DNAH14: variants seen among roughly 807,000 people sequenced by gnomAD.
DNAH14 encodes the protein dynein axonemal heavy chain 14.
DNAH14 carries 478 observed loss-of-function variants against 520.9 expected under a neutral mutation model. The observed-to-expected ratio is 0.92, with a 90% confidence interval of 0.85 to 0.99. The LOEUF (loss-of-function observed/expected upper bound fraction) is 0.99. Among genes scored for constraint, DNAH14 ranks in the 50% least tolerant of loss-of-function variants. The probability of loss-of-function intolerance (pLI) is 0.00; values close to 1 mark genes in which losing one functional copy is unlikely to be tolerated. For synonymous variants in DNAH14, 1,581 were observed against 1,757.2 expected (o/e 0.90, Z 2.51); for missense variants, 4,831 against 5,234.5 (o/e 0.92, Z 2.38).
In DNAH14 at chr1:225,305,109, T is replaced by C; in HGVS notation, c.9005+20T>C. ...AAAGAGGTAAGACTTTGAGAACAAA[T>C]CATAAATATATTTTATATTGGTGTT... On this transcript the variant is annotated intron_variant, in intron 58 of 85. Coordinates refer to ENST00000682510, the MANE Select transcript of DNAH14 (RefSeq NM_001367479.1). 1 of 1,513,268 alleles carries C rather than the reference T, an allele frequency of 6.6e-7. No homozygotes were observed. 93.7% of individuals were successfully genotyped at this position (1,513,268 alleles called of 1,614,324 possible).
chr1:225,169,651 G>A (rs2082395145), intron 36 of DNAH14, among the ~76,000 whole-genome samples: 1 of 152,198 alleles, frequency 6.6e-6, no homozygotes, highest in African/African-American at 2.4e-5. Flanking sequence ...TCTGATTGGT[G>A]TACCTGAAAG....
At chr1:225,212,298 T>G (rs2088565473) in intron 41 of DNAH14, among the ~76,000 whole-genome samples, 1 of 151,992 alleles carries the variant, frequency 6.6e-6, no homozygotes, top group South Asian at 2.1e-4. Flanking sequence ...CTTAATCCAG[T>G]CTATCATTGA....
At position 225,140,602 on chromosome 1, in the gene DNAH14, C is replaced by T. The variant is rs1257654382; in HGVS notation, c.4255-166C>T. 5 of 554,118 alleles carry T rather than the reference C, an allele frequency of 9.0e-6. No individual in the cohort carries two copies. In the Admixed American group the frequency reaches 1.4e-4, roughly 15 times the overall value. The allele number at this position is 554,118 out of a possible 1,614,324, so 34.3% of individuals were successfully genotyped here. A position where few individuals can be genotyped will look rare whatever the true frequency, so the allele number is the denominator to read the frequency against. The stretch of plus-strand genomic sequence containing the variant: ...CCATAAGCATCAATCAGAATTCAAT[C>T]TTTAGCCCTCAAATACACACAAATG... On this transcript the variant is annotated intron_variant, in intron 27 of 85. Coordinates refer to ENST00000682510, the MANE Select transcript of DNAH14 (RefSeq NM_001367479.1).
intron 27 of DNAH14, among the ~76,000 whole-genome samples, chr1:225,135,331 C>G (rs1573403103): frequency 2.0e-5 from 3 of 152,222 alleles, no homozygotes; most frequent in Admixed American, 1.3e-4. Context: ...TTAGCTGTGT[C>G]CCAGAGATTC....
intron 80 of DNAH14, 97 bp downstream of exon 80, chr1:225,380,419 A>G: frequency 7.5e-7 from 1 of 1,329,170 alleles, no homozygotes; most frequent in South Asian, 1.6e-5. Flanking sequence ...AAAATTCTGT[A>G]GAAGTGAAAA....
intron 77 of DNAH14, among the ~76,000 whole-genome samples, chr1:225,372,826 A>G (rs2095634688): frequency 6.6e-6 from 1 of 152,038 alleles, no homozygotes; most frequent in Non-Finnish European, 1.5e-5. Context: ...TGACATACAA[A>G]GAGCTCTTAT....
chr1:225,364,776 A>AT lies in DNAH14; in HGVS notation c.11988-10dup, dbSNP rs1252774749. The AT allele has an allele frequency of 6.7e-7, 1 of 1,495,460 alleles. No homozygotes were observed. Among genetic ancestry groups the AT allele is most frequent in the African/African-American group, 1.4e-5 (1 of 70,652 alleles). The allele number at this position is 1,495,460 out of a possible 1,614,324, so 92.6% of individuals were successfully genotyped here. ...ATTTTTCACATTAAAATATTTATAA[A>AT]TTTTTTATTTTGCAGTTTTAATAGT... On this transcript the variant is annotated splice_polypyrimidine_tract_variant and intron_variant, in intron 75 of 85. Transcript: ENST00000682510.
chr1:225,364,498 A>G (rs939468588), intron 75 of DNAH14, among the ~76,000 whole-genome samples: 4 of 152,124 alleles, frequency 2.6e-5, no homozygotes, highest in South Asian at 2.1e-4. Flanking sequence ...ATTGTCCCAA[A>G]TTCAATCAGT....
intron 49 of DNAH14, among the ~76,000 whole-genome samples, chr1:225,268,480 G>A (rs1255977157): frequency 2.0e-5 from 3 of 152,180 alleles, no homozygotes; most frequent in Non-Finnish European, 4.4e-5. Flanking sequence ...TCTGGCCAGG[G>A]CAATCAGGCA....
At chr1:225,253,121 T>G (rs1300894791) in intron 44 of DNAH14, among the ~76,000 whole-genome samples, 1 of 152,198 alleles carries the variant, frequency 6.6e-6, no homozygotes, top group Non-Finnish European at 1.5e-5. Flanking sequence ...CCAGAGAGTT[T>G]TAACTCTACA....
At chr1:225,147,370 A>T (rs2080050861) in intron 31 of DNAH14, 121 bp downstream of exon 31, 222 of 891,668 alleles carry the variant, frequency 2.5e-4, no homozygotes, top group South Asian at 4.2e-4. Context: ...TTTTTTTTTT[A>T]AAGCACATAC....
intron 46 of DNAH14, 132 bp from the exon 47 acceptor site, chr1:225,264,065 A>G (rs1485779144): frequency 1.0e-5 from 7 of 678,770 alleles, no homozygotes; most frequent in Non-Finnish European, 9.8e-6. Context: ...GAAAAGGTGG[A>G]AACAGAAAAA....
chr1:225,393,585 T>C (rs1373354605), intron 84 of DNAH14, among the ~76,000 whole-genome samples: 3 of 152,194 alleles, frequency 2.0e-5, no homozygotes, highest in Non-Finnish European at 4.4e-5. Context: ...TGGTCTGTCA[T>C]TGGCACAAAT....
intron 38 of DNAH14, among the ~76,000 whole-genome samples, chr1:225,202,669 C>G (rs1573957181): frequency 6.6e-6 from 1 of 152,322 alleles, no homozygotes; most frequent in East Asian, 1.9e-4. Flanking sequence ...ATGGAGTCTG[C>G]ACACTGGATT....
intron 42 of DNAH14, among the ~76,000 whole-genome samples, chr1:225,239,232 C>G (rs1304699166): frequency 3.3e-5 from 5 of 152,128 alleles, no homozygotes; most frequent in African/African-American, 9.7e-5. Context: ...GTACTTAAAA[C>G]TCCTAGGTCT....
intron 9 of DNAH14, among the ~76,000 whole-genome samples, chr1:225,004,836 A>G (rs2064041877): frequency 6.6e-6 from 1 of 152,176 alleles, no homozygotes; most frequent in Non-Finnish European, 1.5e-5. Flanking sequence ...AGGAGAATGA[A>G]GCAAGGTTAT....
Position 224,974,353 on chromosome 1 carries a change from G to C in DNAH14, c.830+200G>C, listed in dbSNP as rs538714706. Among the ~76,000 whole-genome samples, 39 of 152,204 alleles carry C rather than the reference G, an allele frequency of 2.6e-4. No individual in the cohort carries two copies. In the South Asian group the frequency reaches 7.9e-3, roughly 31 times the overall value. Reference sequence around the variant, plus strand: ...TGCAGTGTACCATTCTATGGTCATAGAACTATGGAAAACCTTGATGAGTTC... The same window carrying C: ...TGCAGTGTACCATTCTATGGTCATACAACTATGGAAAACCTTGATGAGTTC... On this transcript the variant is annotated intron_variant, in intron 8 of 85. Coordinates refer to ENST00000682510, the MANE Select transcript of DNAH14 (RefSeq NM_001367479.1).
intron 42 of DNAH14, among the ~76,000 whole-genome samples, chr1:225,235,825 T>C (rs914351235): frequency 6.6e-6 from 1 of 152,192 alleles, no homozygotes; most frequent in East Asian, 1.9e-4. Context: ...TTTATGTTCA[T>C]AGAGGTGTTT....
chr1:225,172,596 G>C (rs1470846650), intron 36 of DNAH14, among the ~76,000 whole-genome samples: 1 of 152,118 alleles, frequency 6.6e-6, no homozygotes, highest in African/African-American at 2.4e-5. Flanking sequence ...ACAAACCACT[G>C]CTCAATGAAA....
Sources: allele counts gnomAD v4.1 joint callset (sites outside exome capture counted in the v4.1 genomes callset), GRCh38; gene constraint gnomAD v4.1.1; transcripts MANE v1.5; gene names NCBI Gene and HGNC (gene_info 2026-07-23, HGNC 2026-07-21).